Variants in HIBCH observed in about 807,000 individuals in gnomAD.
The protein encoded by HIBCH is 3-hydroxyisobutyryl-CoA hydrolase, mitochondrial.
In HIBCH, 50 loss-of-function variants were observed where a neutral mutation model predicts 58.2. That is an observed-to-expected ratio of 0.86 (90% CI 0.68 to 1.09). The LOEUF is 1.09. Among genes scored for constraint, HIBCH ranks in the 50% least tolerant of loss-of-function variants. The probability of loss-of-function intolerance (pLI) is 0.00; values close to 1 mark genes in which losing one functional copy is unlikely to be tolerated. For missense variants in HIBCH, 450 were observed against 449.7 expected (o/e 1.00, Z -0.01); for synonymous variants, 151 against 146.9 (o/e 1.03, Z -0.20).
Position 190,253,046 on chromosome 2 carries a change from G to A in HIBCH, c.518-739C>T, listed in dbSNP as rs145636046. 4.3e-3 allele frequency among the ~76,000 whole-genome samples: 649 copies of A among 152,134 alleles called. 2 individuals carry two copies. The highest frequency in any genetic ancestry group is 0.014 in the African/African-American group (600 of 41,486). ...TCTACTAAAATTCCAAAAATCAGCCGGGCATGGTGGCGCATGCCTGTAATC... is the reference window on the plus strand; with the variant it reads ...TCTACTAAAATTCCAAAAATCAGCCAGGCATGGTGGCGCATGCCTGTAATC... On this transcript the variant is annotated intron_variant, in intron 7 of 13. Coordinates refer to ENST00000359678, the MANE Select transcript of HIBCH (RefSeq NM_014362.4).
chr2:190,226,264 T>A (rs902122222), intron 11 of HIBCH, among the ~76,000 whole-genome samples: 1 of 147,916 alleles, frequency 6.8e-6, no homozygotes, highest in African/African-American at 2.6e-5. Flanking sequence ...GCCAGAGCAA[T>A]CAGGCAGGAG....
rs1230480873 is a variant in HIBCH, at chr2:190,206,348, A to G, written c.1046-1116T>C. Among the ~76,000 whole-genome samples the G allele has an allele frequency of 6.6e-6, 1 of 152,246 alleles. No homozygotes were observed. Among genetic ancestry groups the G allele is most frequent in the Non-Finnish European group, 1.5e-5 (1 of 68,044 alleles). On this transcript the variant is annotated intron_variant, in intron 13 of 13. Transcript: ENST00000359678. This position sits in a 1 kb window ranked among gnomAD's most constrained non-coding sequence, Gnocchi z 5.1. ...TATATTCCGTGGACAGTGTAAACAAAGAACAACCCCGGCACATTTTTTCCA... is the reference window on the plus strand; with the variant it reads ...TATATTCCGTGGACAGTGTAAACAAGGAACAACCCCGGCACATTTTTTCCA...
intron 6 of HIBCH, among the ~76,000 whole-genome samples, chr2:190,283,196 T>A (rs964758530): frequency 3.3e-5 from 5 of 152,212 alleles, no homozygotes; most frequent in African/African-American, 1.2e-4. Context: ...GTATGTTCAA[T>A]TCTTTGCCTT....
At chr2:190,301,864 CTTTTA>C (rs1160195035) in intron 2 of HIBCH, among the ~76,000 whole-genome samples, 4 of 152,150 alleles carry the variant, frequency 2.6e-5, no homozygotes, top group Non-Finnish European at 5.9e-5. Flanking sequence ...CCTTCAACCT[CTTTTA>C]TAAGAGTACT....
intron 11 of HIBCH, among the ~76,000 whole-genome samples, chr2:190,239,993 T>A (rs1279382039): frequency 6.6e-6 from 1 of 152,172 alleles, no homozygotes; most frequent in Non-Finnish European, 1.5e-5. Context: ...GGTTTTGGTA[T>A]CAGGATGAGG....
At chr2:190,257,630 T>C (rs1686963478) in intron 7 of HIBCH, among the ~76,000 whole-genome samples, 1 of 152,158 alleles carries the variant, frequency 6.6e-6, no homozygotes. Flanking sequence ...TGTGTTGCTA[T>C]GACAGAATAC....
rs1477169614 is a variant in HIBCH, at chr2:190,306,897, G to A, written c.78+3857C>T. 6.6e-6 allele frequency among the ~76,000 whole-genome samples: 1 copy of A among 152,138 alleles called. No homozygotes were observed. Among genetic ancestry groups the A allele is most frequent in the African/African-American group, 2.4e-5 (1 of 41,432 alleles). On this transcript the variant is annotated intron_variant, in intron 2 of 13. Coordinates refer to ENST00000359678, the MANE Select transcript of HIBCH (RefSeq NM_014362.4). The surrounding 1 kb of genome is among the most constrained non-coding windows in gnomAD (Gnocchi z 4.6). The stretch of plus-strand genomic sequence containing the variant: ...TTCTTCACCCCTTCTACCACAAGAG[G>A]ACAGAGAGATAAGATGGCCAACAAG...
At chr2:190,263,984 G>A (rs555915337) in intron 6 of HIBCH, among the ~76,000 whole-genome samples, 45 of 152,144 alleles carry the variant, frequency 3.0e-4, no homozygotes, top group Admixed American at 2.0e-3. Flanking sequence ...ACACTATTAC[G>A]ACCCTACTTG....
intron 6 of HIBCH, among the ~76,000 whole-genome samples, chr2:190,276,676 G>C (rs1352804824): frequency 2.0e-5 from 3 of 152,166 alleles, no homozygotes; most frequent in African/African-American, 7.2e-5. Context: ...GAAGTTACCT[G>C]AAGCCCTCAC....
intron 11 of HIBCH, among the ~76,000 whole-genome samples, chr2:190,232,115 A>G: frequency 6.6e-6 from 1 of 152,104 alleles, no homozygotes; most frequent in Non-Finnish European, 1.5e-5. Context: ...GAATCCTTTA[A>G]ACCCAGGAGG....
chr2:190,193,008 C>T (rs2105877167), intron 1 of HIBCH, among the ~76,000 whole-genome samples: 1 of 152,120 alleles, frequency 6.6e-6, no homozygotes, highest in Middle Eastern at 3.4e-3. Flanking sequence ...GTCTTCCCTT[C>T]CTCATACTCA....
At chr2:190,263,826 T>C (rs1420595551) in intron 6 of HIBCH, among the ~76,000 whole-genome samples, 2 of 152,108 alleles carry the variant, frequency 1.3e-5, no homozygotes, top group Middle Eastern at 3.2e-3. Flanking sequence ...ATCTATGAAC[T>C]ATCCTGAGAG....
At chr2:190,238,282 C>T (rs1686342390) in intron 11 of HIBCH, among the ~76,000 whole-genome samples, 1 of 152,124 alleles carries the variant, frequency 6.6e-6, no homozygotes, top group African/African-American at 2.4e-5. Context: ...ATTTACACTC[C>T]CACCAACAGT....
chr2:190,272,554 G>A (rs1174446219), intron 6 of HIBCH, among the ~76,000 whole-genome samples: 1 of 152,090 alleles, frequency 6.6e-6, no homozygotes, highest in Non-Finnish European at 1.5e-5. Flanking sequence ...CAGGGCAAAA[G>A]GTGCCTGCTA....
chr2:190,280,105 G>A (rs1259343877), intron 6 of HIBCH: 2 of 152,124 alleles, frequency 1.3e-5, no homozygotes, highest in South Asian at 4.2e-4. Flanking sequence ...GCGGCACCGG[G>A]GAACAAGGAT....
At chr2:190,250,360 T>C (rs952934948) in intron 8 of HIBCH, 5 of 468,180 alleles carry the variant, frequency 1.1e-5, no homozygotes, top group Non-Finnish European at 1.8e-5. Context: ...TTCTTTGTAT[T>C]GTTTTTACAC....
In HIBCH at chr2:190,287,619, A is replaced by G. The variant is rs186353535; in HGVS notation, c.405T>C (p.Tyr135=). 18 of 1,611,836 alleles carry G rather than the reference A, an allele frequency of 1.1e-5. No individual in the cohort carries two copies. Among genetic ancestry groups the G allele is most frequent in the African/African-American group, 2.7e-5 (2 of 75,006 alleles). ...TTGTAATTCCATGAATAAGTGCAAC[A>G]TAAGGTTTCTGGCAAGAACCTGAAA... ...NNAVGSCQKP[Y]VALIHGITMG... Residue 135 remains tyrosine (Y), a synonymous_variant, in exon 6 of 14, where the codon TAT becomes TAC. Transcript: ENST00000359678.
At chr2:190,246,722 T>C (rs1046812250) in intron 9 of HIBCH, among the ~76,000 whole-genome samples, 14 of 152,256 alleles carry the variant, frequency 9.2e-5, no homozygotes, top group African/African-American at 3.4e-4. Flanking sequence ...TAGTTCTAGT[T>C]AATCTCTTTC....
At chr2:190,257,920 C>T (rs189145009) in intron 7 of HIBCH, among the ~76,000 whole-genome samples, 5 of 152,156 alleles carry the variant, frequency 3.3e-5, no homozygotes, top group African/African-American at 9.7e-5. Context: ...GTTTCCAACA[C>T]GTGAACTTCA....
Sources: gnomAD v4.1 joint callset for allele counts (sites outside exome capture counted in the v4.1 genomes callset) on GRCh38, gnomAD v4.1.1 for gene constraint, Gnocchi (gnomAD v3.1) non-coding constraint, MANE v1.5 for transcripts, NCBI Gene and HGNC (gene_info 2026-07-23, HGNC 2026-07-21) for gene names.